CHSY3: variants seen among roughly 807,000 people sequenced by gnomAD.
CHSY3 encodes the protein chondroitin sulfate synthase 3, also known as N-acetylgalactosaminyl-proteoglycan 3-beta-glucuronosyltransferase 3.
Under a neutral mutation model 67.2 loss-of-function variants are expected in CHSY3, and 35 were observed. The ratio of observed to expected loss-of-function variants is 0.52; its 90% CI spans 0.40 to 0.69. The LOEUF is 0.69. Among genes scored for constraint, CHSY3 ranks in the 30% least tolerant of loss-of-function variants. The probability of loss-of-function intolerance (pLI) is 0.00; values close to 1 mark genes in which losing one functional copy is unlikely to be tolerated. For missense variants in CHSY3, 1,069 were observed against 1,138.5 expected (o/e 0.94, Z 0.88); for synonymous variants, 474 against 434.7 (o/e 1.09, Z -1.12).
intron 2 of CHSY3, among the ~76,000 whole-genome samples, chr5:130,134,895 G>A (rs1200905792): frequency 1.4e-5 from 2 of 145,858 alleles, no homozygotes; most frequent in Non-Finnish European, 3.0e-5. Context: ...GCTACAAAAA[G>A]GTAAACAACA....
In CHSY3 at chr5:130,054,529, C is replaced by T. The variant is rs79887986; in HGVS notation, c.1087-129700C>T. On this transcript the variant is annotated intron_variant, in intron 2 of 2. Transcript: ENST00000305031. The stretch of plus-strand genomic sequence containing the variant: ...GGCCTCTGATGAAATTCCTGCACTA[C>T]CATGTGCTGGCCCTGTGATATTAAT... 6.2e-3 allele frequency among the ~76,000 whole-genome samples: 947 copies of T among 152,220 alleles called. 6 individuals are homozygous for T. Among genetic ancestry groups the T allele is most frequent in the African/African-American group, 0.022 (902 of 41,534 alleles).
chr5:130,142,491 T>C (rs978257249), intron 2 of CHSY3, among the ~76,000 whole-genome samples: 1 of 152,222 alleles, frequency 6.6e-6, no homozygotes, highest in Non-Finnish European at 1.5e-5. Context: ...AGAAATAGAA[T>C]ATTCCAATTT....
rs71000946 is a variant in CHSY3, at chr5:130,000,732, CTTTTTTTTTTTT to C, written c.1086+92387_1086+92398del. ...GGACTACAAATGTGTAACTTTTCTT[CTTTTTTTTTTTT>C]TTTTTTTTTTTTTTGTAGAGATGAA... On this transcript the variant is annotated intron_variant, in intron 2 of 2. Coordinates refer to ENST00000305031, the MANE Select transcript of CHSY3 (RefSeq NM_175856.5). Among the ~76,000 whole-genome samples, 90 of 76,478 alleles carry C rather than the reference CTTTTTTTTTTTT, an allele frequency of 1.2e-3. 1 individual carries two copies. The highest frequency in any genetic ancestry group is 1.2e-3 in the Non-Finnish European group (52 of 43,800). 50.2% of individuals were successfully genotyped at this position (76,478 alleles called of 152,430 possible).
At chr5:130,148,008 C>T (rs879841424) in intron 2 of CHSY3, among the ~76,000 whole-genome samples, 2 of 152,066 alleles carry the variant, frequency 1.3e-5, no homozygotes, top group Non-Finnish European at 2.9e-5. Context: ...CTCCTCCCAC[C>T]CTCCATACTC....
chr5:130,156,545 A>T (rs548342153), intron 2 of CHSY3, among the ~76,000 whole-genome samples: 1 of 152,244 alleles, frequency 6.6e-6, no homozygotes, highest in Non-Finnish European at 1.5e-5. Flanking sequence ...GAAGGACTAT[A>T]ACAAGTCAAA....
At chr5:130,099,133 A>C (rs1354855591) in intron 2 of CHSY3, among the ~76,000 whole-genome samples, 1 of 152,228 alleles carries the variant, frequency 6.6e-6, no homozygotes, top group Non-Finnish European at 1.5e-5. Flanking sequence ...AGCTGTATAC[A>C]TCTAAAATAA....
At chr5:130,100,322 C>T (rs1436124653) in intron 2 of CHSY3, among the ~76,000 whole-genome samples, 1 of 150,688 alleles carries the variant, frequency 6.6e-6, no homozygotes, top group Non-Finnish European at 1.5e-5. Context: ...GTAGCTGGGG[C>T]TACAGGTGCC....
intron 2 of CHSY3, among the ~76,000 whole-genome samples, chr5:130,179,010 G>A (rs904065466): frequency 1.3e-5 from 2 of 152,160 alleles, no homozygotes; most frequent in African/African-American, 4.8e-5. Context: ...CCACTTATCT[G>A]TGTGCAGTCA....
At chr5:130,031,588 A>T (rs1212221748) in intron 2 of CHSY3, among the ~76,000 whole-genome samples, 1 of 152,166 alleles carries the variant, frequency 6.6e-6, no homozygotes, top group South Asian at 2.1e-4. Context: ...CCAGTGAATT[A>T]TACAAGTTTT....
chr5:130,139,346 T>A (rs1580773123), intron 2 of CHSY3, among the ~76,000 whole-genome samples: 1 of 152,312 alleles, frequency 6.6e-6, no homozygotes. Flanking sequence ...AGCAGGTGAT[T>A]ATTTTTCCCA....
intron 2 of CHSY3, among the ~76,000 whole-genome samples, chr5:129,997,513 C>CT (rs201881568): frequency 0.028 from 3,025 of 108,512 alleles, 74 homozygotes; most frequent in African/African-American, 0.079. Context: ...ACATTTCACT[C>CT]TTTTTTTTTA....
intron 2 of CHSY3, among the ~76,000 whole-genome samples, chr5:130,117,087 A>G (rs941066653): frequency 2.6e-5 from 4 of 152,146 alleles, no homozygotes; most frequent in African/African-American, 7.2e-5. Context: ...GGATGGGAGC[A>G]TGCCATGGAG....
chr5:130,011,168 C>CA (rs1044087433), intron 2 of CHSY3, among the ~76,000 whole-genome samples: 1 of 151,872 alleles, frequency 6.6e-6, no homozygotes, highest in Non-Finnish European at 1.5e-5. Flanking sequence ...AGAAACCAAA[C>CA]AAAAAAAGAA....
At chr5:129,938,464 A>G (rs1192578753) in intron 2 of CHSY3, among the ~76,000 whole-genome samples, 1 of 152,226 alleles carries the variant, frequency 6.6e-6, no homozygotes, top group African/African-American at 2.4e-5. Context: ...TAGATTTTTC[A>G]AACTTTTATG....
intron 2 of CHSY3, among the ~76,000 whole-genome samples, chr5:130,152,873 T>C (rs1769268467): frequency 6.6e-6 from 1 of 152,228 alleles, no homozygotes; most frequent in Admixed American, 6.5e-5. Context: ...TATAAAATTC[T>C]TACTTCTGTG....
chr5:130,077,994 A>G (rs967004997), intron 2 of CHSY3, among the ~76,000 whole-genome samples: 1 of 152,136 alleles, frequency 6.6e-6, no homozygotes, highest in African/African-American at 2.4e-5. Flanking sequence ...CTTGCCAGTC[A>G]CTGTGCTAAG....
At chr5:129,907,789 C>T (rs1422347373) in intron 1 of CHSY3, among the ~76,000 whole-genome samples, 1 of 152,182 alleles carries the variant, frequency 6.6e-6, no homozygotes, top group African/African-American at 2.4e-5. Flanking sequence ...CCTGTCTTTA[C>T]TTTCCTTGTC....
intron 2 of CHSY3, chr5:130,142,094 T>G: frequency 6.2e-6 from 1 of 162,266 alleles, no homozygotes; most frequent in Non-Finnish European, 1.3e-5. Flanking sequence ...ATGGAACATG[T>G]GCACAGGGGA....
intron 2 of CHSY3, among the ~76,000 whole-genome samples, chr5:129,996,348 G>A (rs569837904): frequency 6.6e-6 from 1 of 152,072 alleles, no homozygotes; most frequent in African/African-American, 2.4e-5. Flanking sequence ...ACTTTTACAG[G>A]ACTGTATTCA....
Sources: gnomAD v4.1 joint callset for allele counts (sites outside exome capture counted in the v4.1 genomes callset) on GRCh38, gnomAD v4.1.1 for gene constraint, MANE v1.5 for transcripts, NCBI Gene and HGNC (gene_info 2026-07-23, HGNC 2026-07-21) for gene names.